NKD2: variants seen among roughly 807,000 people sequenced by gnomAD.
NKD2 encodes the protein protein naked cuticle homolog 2.
NKD2 carries 43 observed loss-of-function variants against 34.8 expected under a neutral mutation model. That is an observed-to-expected ratio of 1.24 (90% CI 0.97 to 1.60). The LOEUF (loss-of-function observed/expected upper bound fraction) is 1.60. Ranked by LOEUF, NKD2 falls within the 40% of genes most tolerant of loss-of-function variation. The probability of loss-of-function intolerance (pLI) is 0.00; values close to 1 mark genes in which losing one functional copy is unlikely to be tolerated. For synonymous variants in NKD2, 278 were observed against 265.1 expected, an observed-to-expected ratio of 1.05 and a Z score of -0.47; for missense variants, 675 against 627.1, an observed-to-expected ratio of 1.08 and a Z score of -0.82.
intron 3 of NKD2, among the ~76,000 whole-genome samples, chr5:1,021,501 G>A (rs906796988): frequency 6.6e-6 from 1 of 150,790 alleles, no homozygotes; most frequent in African/African-American, 2.4e-5. Context: ...AGAATAGCAA[G>A]CACAGCCTGG....
rs1380253139 is a variant in NKD2, at chr5:1,015,621, TCAGGAAGCAG to T, written c.141+6062_141+6071del. Among the ~76,000 whole-genome samples, 3 of 152,138 alleles carry T rather than the reference TCAGGAAGCAG, an allele frequency of 2.0e-5. No individual in the cohort carries two copies. In the East Asian group the frequency reaches 5.8e-4, roughly 29 times the overall value. ...GGGAGTTGGGGAAGCCTCAGGAGCA[TCAGGAAGCAG>T]GAGGAAGCAGGAGCCACTGCTGGGG... On this transcript the variant is annotated intron_variant, in intron 3 of 9. Coordinates refer to ENST00000296849, the MANE Select transcript of NKD2 (RefSeq NM_033120.4).
chr5:1,035,083 GATTA>G (rs755803425), intron 7 of NKD2, among the ~76,000 whole-genome samples, 180 bp downstream of exon 7: 5 of 152,200 alleles, frequency 3.3e-5, no homozygotes, highest in Admixed American at 6.5e-5. Context: ...TGAGTAAGCA[GATTA>G]ATGAATGAAT....
intron 9 of NKD2, chr5:1,037,499 C>G: frequency 6.5e-7 from 1 of 1,532,808 alleles, no homozygotes; most frequent in South Asian, 1.2e-5. Flanking sequence ...ACCTGGCTTT[C>G]TGCCACGGCG....
rs762613864 is a variant in NKD2 at position 1,036,347 on chromosome 5, C to T, written c.750C>T (p.Leu250=). 3.3e-5 allele frequency: 54 copies of T among 1,612,828 alleles called. No individual in the cohort carries two copies. Among genetic ancestry groups the T allele is most frequent in the East Asian group, 6.7e-5 (3 of 44,862 alleles). The change falls in exon 9 of 10, where the codon CTC becomes CTT. Residue 250 remains leucine, a synonymous_variant. Coordinates refer to ENST00000296849, the MANE Select transcript of NKD2 (RefSeq NM_033120.4). ...NTERRNHYLD[L]AGIENYTSRF... ...AGCGCAGAAACCACTACCTGGACCT[C>T]GCCGGGATTGAGAACTACACGTCCA...
intron 7 of NKD2, 59 bp downstream of exon 7, chr5:1,034,962 T>C: frequency 1.3e-6 from 2 of 1,490,166 alleles, no homozygotes; most frequent in Non-Finnish European, 9.1e-7. Flanking sequence ...GGGCCTAAGC[T>C]GTGTGCGCGG....
chr5:1,016,407 T>C (rs1755954508), intron 3 of NKD2, among the ~76,000 whole-genome samples: 1 of 152,258 alleles, frequency 6.6e-6, no homozygotes, highest in African/African-American at 2.4e-5. Context: ...CTGGTGGTGA[T>C]GGCCAGCCCT....
rs956865725 is a variant in NKD2 at position 1,035,287 on chromosome 5, T to C, written c.575-102T>C. On this transcript the variant is annotated intron_variant, in intron 7 of 9. Coordinates refer to ENST00000296849, the MANE Select transcript of NKD2 (RefSeq NM_033120.4). Reference sequence around the variant, plus strand: ...ATGAATGAGTGAACCAGTGAGTTAATGAATGAATGAATGAGTGAGTGAGTT... The same window carrying C: ...ATGAATGAGTGAACCAGTGAGTTAACGAATGAATGAATGAGTGAGTGAGTT... 17 of 939,134 alleles carry C rather than the reference T, an allele frequency of 1.8e-5. No homozygotes were observed. In the African/African-American group the frequency reaches 2.4e-4, roughly 13 times the overall value. The allele number at this position is 939,134 out of a possible 1,614,324, so 58.2% of individuals were successfully genotyped here.
intron 3 of NKD2, among the ~76,000 whole-genome samples, chr5:1,013,576 C>T (rs1434150084): frequency 1.3e-5 from 2 of 152,256 alleles, no homozygotes; most frequent in Non-Finnish European, 2.9e-5. Flanking sequence ...GGGTTGGATA[C>T]CATGTATGTA....
Position 1,038,155 on chromosome 5 carries a change from T to A in NKD2, c.1138T>A (p.Tyr380Asn), listed in dbSNP as rs1734098834. 1 of 1,578,918 alleles carries A rather than the reference T, an allele frequency of 6.3e-7. No individual in the cohort carries two copies. Among genetic ancestry groups the A allele is most frequent in the South Asian group, 1.1e-5 (1 of 88,154 alleles). Reference protein sequence around the residue: ...HHLPQPPPPPYGHKRYRQKGR... With the variant: ...HHLPQPPPPPNGHKRYRQKGR... ...CCTCCCGCAGCCCCCACCGCCACCC[T>A]ACGGCCACAAGCGGTACCGCCAAAA... The change falls in exon 10 of 10, where the codon TAC becomes AAC. Residue 380 changes from tyrosine to asparagine, a missense_variant. Transcript: ENST00000296849. This position sits in a 1 kb window ranked among gnomAD's most constrained non-coding sequence, Gnocchi z 4.5.
At chr5:1,022,994 T>G (rs866101414) in intron 3 of NKD2, among the ~76,000 whole-genome samples, 4 of 10,158 alleles carry the variant, frequency 3.9e-4, no homozygotes, top group African/African-American at 5.1e-4. Context: ...CTTCCCACCC[T>G]CTGTGGGCGT....
intron 5 of NKD2, 35 bp downstream of exon 5, chr5:1,033,534 G>A (rs766982581): frequency 9.2e-6 from 14 of 1,528,042 alleles, no homozygotes; most frequent in South Asian, 4.9e-5. Flanking sequence ...GCGGGAACAC[G>A]TCCCTGGGGC....
intron 9 of NKD2, 177 bp from the exon 10 acceptor site, chr5:1,037,628 A>G (rs1331561413): frequency 6.5e-7 from 1 of 1,536,000 alleles, no homozygotes; most frequent in East Asian, 2.4e-5. Flanking sequence ...GGTCACCCAC[A>G]GTGGCCAGGC....
chr5:1,037,502 C>T, intron 9 of NKD2: 7 of 1,532,712 alleles, frequency 4.6e-6, no homozygotes, highest in Non-Finnish European at 6.1e-6. Context: ...TGGCTTTCTG[C>T]CACGGCGCCC....
chr5:1,021,082 T>C (rs1043687305), intron 3 of NKD2, among the ~76,000 whole-genome samples: 35 of 152,154 alleles, frequency 2.3e-4, no homozygotes, highest in Non-Finnish European at 4.0e-4. Context: ...TATAGGAAGT[T>C]AAGTCGCAGC....
chr5:1,032,831 C>T (rs1177104752), intron 4 of NKD2, among the ~76,000 whole-genome samples: 1 of 152,256 alleles, frequency 6.6e-6, no homozygotes, highest in Non-Finnish European at 1.5e-5. Context: ...CAGTCCCACA[C>T]TCCTATCCTG....
Position 1,034,868 on chromosome 5 carries a change from C to A in NKD2, c.539C>A (p.Ser180Tyr). The A allele has an allele frequency of 6.2e-7, 1 of 1,612,346 alleles. No homozygotes were observed. The highest frequency in any genetic ancestry group is 8.5e-7 in the Non-Finnish European group (1 of 1,179,732). Reference sequence around the variant, plus strand: ...AAGCTAACCGTCAGCCCTGAGCCCTCCAGCAAGAGGAAGGAGGGTCCTCCT... The same window carrying A: ...AAGCTAACCGTCAGCCCTGAGCCCTACAGCAAGAGGAAGGAGGGTCCTCCT... ...RVKLTVSPEPSSKRKEGPPAG... is the reference protein window; with the variant it reads ...RVKLTVSPEPYSKRKEGPPAG... The change falls in exon 7 of 10, where the codon TCC (serine) becomes TAC (tyrosine). Residue 180 changes from serine to tyrosine, a missense_variant. Transcript: ENST00000296849.
rs148842144 is a variant in NKD2, at chr5:1,035,200, G to A, written c.575-189G>A. Among the ~76,000 whole-genome samples, 179 of 151,642 alleles carry A rather than the reference G, an allele frequency of 1.2e-3. 1 individual carries two copies. Among genetic ancestry groups the A allele is most frequent in the African/African-American group, 4.0e-3 (164 of 40,976 alleles). ...TGAATGAGTGAGTTAATGAGTGAAC[G>A]AGTGAGTTAATGAATGAGTGAACGA... On this transcript the variant is annotated intron_variant, in intron 7 of 9. Coordinates refer to ENST00000296849, the MANE Select transcript of NKD2 (RefSeq NM_033120.4).
rs370557826 is a variant in NKD2, at chr5:1,015,574, C to T, written c.141+6014C>T. ...GCATCAGAAACTCCCTGGGTTATGA[C>T]GAAAGGCCTATGACACCCCTAGGGA... On this transcript the variant is annotated intron_variant, in intron 3 of 9. Transcript: ENST00000296849. Among the ~76,000 whole-genome samples, 11 of 152,276 alleles carry T rather than the reference C, an allele frequency of 7.2e-5. No individual in the cohort carries two copies. The East Asian group carries it at 7.7e-4, about 11-fold the overall frequency.
At chr5:1,037,512 C>T (rs1024214133) in intron 9 of NKD2, 17 of 1,534,052 alleles carry the variant, frequency 1.1e-5, no homozygotes, top group Non-Finnish European at 1.5e-5. Flanking sequence ...CCACGGCGCC[C>T]CAAGCAGGGT....
Sources: gnomAD v4.1 joint callset for allele counts (sites outside exome capture counted in the v4.1 genomes callset) on GRCh38, gnomAD v4.1.1 for gene constraint, Gnocchi (gnomAD v3.1) non-coding constraint, MANE v1.5 for transcripts, NCBI Gene and HGNC (gene_info 2026-07-23, HGNC 2026-07-21) for gene names.